The following SCUBE1 variants were observed in gnomAD, a reference collection of about 807,000 sequenced individuals.
SCUBE1 encodes signal peptide, CUB domain and EGF like domain containing 1.
In SCUBE1, 59 loss-of-function variants were observed where a neutral mutation model predicts 124.4. That is an observed-to-expected ratio of 0.47 (90% confidence interval 0.38 to 0.59). SCUBE1 has a LOEUF of 0.59. Ranked by LOEUF, SCUBE1 falls within the 20% of genes least tolerant of loss-of-function variation. SCUBE1 has a pLI of 0.00. For missense variants in SCUBE1, 1,150 were observed against 1,371.2 expected, an observed-to-expected ratio of 0.84 and a Z score of 2.55; for synonymous variants, 545 against 550.9, an observed-to-expected ratio of 0.99 and a Z score of 0.15.
At chr22:43,330,551 C>T (rs1926872420) in intron 2 of SCUBE1, among the ~76,000 whole-genome samples, 1 of 152,206 alleles carries the variant, frequency 6.6e-6, no homozygotes, top group Non-Finnish European at 1.5e-5. Context: ...TGTTTTGGCC[C>T]CAGCACCAAG....
rs1210310966 is a variant in SCUBE1 at position 43,220,299 on chromosome 22, T to C, written c.1687+151A>G. On this transcript the variant is annotated intron_variant, in intron 14 of 21. Coordinates refer to ENST00000360835, the MANE Select transcript of SCUBE1 (RefSeq NM_173050.5). Reference sequence around the variant, plus strand: ...TGCCAGCTCCCTTTGCTTGTGGGCCTGCCTCTGTCTCCAGAAGCTGGGCTC... The same window carrying C: ...TGCCAGCTCCCTTTGCTTGTGGGCCCGCCTCTGTCTCCAGAAGCTGGGCTC... 5 of 872,928 alleles carry C rather than the reference T, an allele frequency of 5.7e-6. No individual in the cohort carries two copies. In the African/African-American group the frequency reaches 6.7e-5, roughly 12 times the overall value. 54.1% of individuals were successfully genotyped at this position (872,928 alleles called of 1,614,324 possible).
At position 43,323,588 on chromosome 22, in the gene SCUBE1, ACATCCATCCATCCATCCATCCATCCATC is replaced by A. The variant is rs56143728; in HGVS notation, c.221-3551_221-3524del. ...TTCATCTAAGCACTGACCCATCCAA[ACATCCATCCATCCATCCATCCATCCATC>A]CATCCATCCATCCATCCAGATGAGA... On this transcript the variant is annotated intron_variant, in intron 2 of 21. Transcript: ENST00000360835. Among the ~76,000 whole-genome samples the A allele has an allele frequency of 2.0e-5, 3 of 148,724 alleles. No homozygotes were observed. In the East Asian group the frequency reaches 6.0e-4, roughly 30 times the overall value.
At chr22:43,332,904 T>C (rs1926948415) in intron 2 of SCUBE1, among the ~76,000 whole-genome samples, 1 of 152,128 alleles carries the variant, frequency 6.6e-6, no homozygotes, top group Admixed American at 6.5e-5. Flanking sequence ...CTCCCCTGTC[T>C]GGGGGACCAG....
intron 4 of SCUBE1, chr22:43,283,629 T>C (rs1925013411): frequency 6.6e-6 from 1 of 152,354 alleles, no homozygotes; most frequent in Middle Eastern, 3.4e-3. Flanking sequence ...GGTTGTGATG[T>C]GGATCCGTAT....
intron 4 of SCUBE1, among the ~76,000 whole-genome samples, chr22:43,267,378 G>A (rs1226154956): frequency 6.6e-6 from 1 of 152,192 alleles, no homozygotes; most frequent in East Asian, 1.9e-4. Flanking sequence ...CCCTATTTCG[G>A]AACAGATGAA....
chr22:43,305,561 G>C (rs1274390535), intron 3 of SCUBE1, among the ~76,000 whole-genome samples: 2 of 152,150 alleles, frequency 1.3e-5, no homozygotes, highest in Non-Finnish European at 2.9e-5. Flanking sequence ...AGGAGCCGGG[G>C]GACAGGCTTA....
chr22:43,223,833 C>A (rs1202160454), intron 10 of SCUBE1, among the ~76,000 whole-genome samples: 1 of 152,218 alleles, frequency 6.6e-6, no homozygotes. Context: ...TGAGTGACAG[C>A]CTCGCACTCT....
chr22:43,216,468 C>T (rs1410567082), intron 15 of SCUBE1, among the ~76,000 whole-genome samples: 1 of 151,322 alleles, frequency 6.6e-6, no homozygotes, highest in Non-Finnish European at 1.5e-5. Flanking sequence ...GCCTGGCCAA[C>T]ATAGTGAAAC....
chr22:43,341,215 G>A (rs1010298807), intron 1 of SCUBE1, among the ~76,000 whole-genome samples: 1 of 151,040 alleles, frequency 6.6e-6, no homozygotes, highest in African/African-American at 2.4e-5. Flanking sequence ...AGAGTGGAAA[G>A]GGGACAAGGA....
intron 2 of SCUBE1, among the ~76,000 whole-genome samples, chr22:43,328,307 C>T (rs1365610551): frequency 1.3e-5 from 2 of 152,168 alleles, no homozygotes; most frequent in East Asian, 1.9e-4. Context: ...CCACAGGGAA[C>T]CTGCCAGGCT....
At chr22:43,290,714 A>G (rs1349847790) in intron 4 of SCUBE1, among the ~76,000 whole-genome samples, 1 of 152,226 alleles carries the variant, frequency 6.6e-6, no homozygotes, top group East Asian at 1.9e-4. Context: ...CCCTTTGGAG[A>G]AGGAGCCCAT....
chr22:43,342,821 C>T (rs529170505), intron 1 of SCUBE1, among the ~76,000 whole-genome samples: 1 of 151,816 alleles, frequency 6.6e-6, no homozygotes, highest in Non-Finnish European at 1.5e-5. Context: ...CCCGCGCCCC[C>T]TCTCCCAGGA....
chr22:43,219,901 C>G (rs1188165748), intron 14 of SCUBE1, among the ~76,000 whole-genome samples: 1 of 152,150 alleles, frequency 6.6e-6, no homozygotes, highest in Non-Finnish European at 1.5e-5. Context: ...GTCTGCCTCT[C>G]TGGCTGAGAG....
At chr22:43,343,127 C>G (rs1448606581) in intron 1 of SCUBE1, 47 bp downstream of exon 1, 1 of 1,009,564 alleles carries the variant, frequency 9.9e-7, no homozygotes, top group Non-Finnish European at 1.2e-6. Flanking sequence ...GCCTCGGCCG[C>G]CCGAGCCCCC....
At chr22:43,271,728 C>T (rs1924299645) in intron 4 of SCUBE1, among the ~76,000 whole-genome samples, 1 of 152,168 alleles carries the variant, frequency 6.6e-6, no homozygotes, top group African/African-American at 2.4e-5. Context: ...CCAGCTGGCC[C>T]CGAGCCCAGC....
chr22:43,239,264 G>A (rs1438877851), intron 6 of SCUBE1, among the ~76,000 whole-genome samples: 1 of 152,266 alleles, frequency 6.6e-6, no homozygotes, highest in African/African-American at 2.4e-5. Context: ...ACTGCTATCT[G>A]GGGCCAGACT....
intron 3 of SCUBE1, among the ~76,000 whole-genome samples, chr22:43,310,194 CA>C (rs1221823931): frequency 1.3e-5 from 2 of 152,102 alleles, no homozygotes; most frequent in Non-Finnish European, 2.9e-5. Context: ...GGCCCATCCC[CA>C]AACTCCTAAC....
intron 4 of SCUBE1, among the ~76,000 whole-genome samples, chr22:43,284,755 A>ATTGTCG (rs1555886374): frequency 6.7e-6 from 1 of 149,190 alleles, no homozygotes; most frequent in Non-Finnish European, 1.5e-5. Flanking sequence ...TGCAATCATC[A>ATTGTCG]TCGTCATCGT....
chr22:43,340,130 C>T (rs923556212), intron 1 of SCUBE1, among the ~76,000 whole-genome samples: 17 of 151,714 alleles, frequency 1.1e-4, no homozygotes, highest in African/African-American at 3.9e-4. Flanking sequence ...GGGATCCCAC[C>T]CTGCCCCTAG....
Sources: gnomAD v4.1 joint callset for allele counts (sites outside exome capture counted in the v4.1 genomes callset) on GRCh38, gnomAD v4.1.1 for gene constraint, MANE v1.5 for transcripts, NCBI Gene and HGNC (gene_info 2026-07-23, HGNC 2026-07-21) for gene names.